The following PUM3 variants were observed in gnomAD, a reference collection of about 807,000 sequenced individuals.
PUM3 encodes the protein pumilio RNA binding family member 3, also known as pumilio homolog 3.
In PUM3, 91 loss-of-function variants were observed where a neutral mutation model predicts 84.0. The observed-to-expected ratio is 1.08, with a 90% CI of 0.91 to 1.29. The LOEUF (loss-of-function observed/expected upper bound fraction) is 1.29. Ranked by LOEUF, PUM3 falls within the 50% of genes most tolerant of loss-of-function variation. The pLI, the probability that PUM3 is intolerant of heterozygous loss-of-function variation, is 0.00. For synonymous variants in PUM3, 321 were observed against 266.7 expected (o/e 1.20, Z -1.98); for missense variants, 1,067 against 767.5 (o/e 1.39, Z -4.61).
In PUM3 at chr9:2,808,962, C is replaced by T. The variant is rs1043250802; in HGVS notation, c.1724-1058G>A. On this transcript the variant is annotated intron_variant, in intron 16 of 17. Coordinates refer to ENST00000397885, the MANE Select transcript of PUM3 (RefSeq NM_014878.5). ...ATGCTCACTCTTAAAAAAGCAACCACCATCTCGTGAAGGAGCCCAAGCAGC... is the reference window on the plus strand; with the variant it reads ...ATGCTCACTCTTAAAAAAGCAACCATCATCTCGTGAAGGAGCCCAAGCAGC... 2.0e-5 allele frequency among the ~76,000 whole-genome samples: 3 copies of T among 152,158 alleles called. No individual in the cohort carries two copies. The East Asian group carries it at 5.8e-4, about 29-fold the overall frequency.
rs758200088 is a variant in PUM3 at position 2,837,399 on chromosome 9, A to T, written c.85T>A (p.Ser29Thr). 1.9e-6 allele frequency: 3 copies of T among 1,591,340 alleles called. No individual in the cohort carries two copies. Among genetic ancestry groups the T allele is most frequent in the African/African-American group, 2.7e-5 (2 of 74,460 alleles). The change falls in exon 3 of 18, where the codon TCT (serine) becomes ACT (threonine). Residue 29 changes from serine to threonine, a missense_variant and splice_region_variant. By Grantham distance (58) the Ser-to-Thr change is moderately conservative. Transcript: ENST00000397885. ...GTTGGAAATGTCTTTGAAGAACCAG[A>T]ATCTAGTGACAATAATAATTATAAG... ...EKNRFHKNSD[S>T]GSSKTFPTRK...
Position 2,811,059 on chromosome 9 carries a change from G to C in PUM3, c.1635+302C>G, listed in dbSNP as rs546261024. On this transcript the variant is annotated intron_variant, in intron 15 of 17. Transcript: ENST00000397885. ...TGGTCAGGAGCCAGGGCTTCTCTAA[G>C]ATCCATGGCCCACTTCTCTTCCCCA... Among the ~76,000 whole-genome samples the C allele has an allele frequency of 2.6e-5, 4 of 152,264 alleles. No homozygotes were observed. In the South Asian group the frequency reaches 8.3e-4, roughly 32 times the overall value.
At chr9:2,832,918 T>A (rs1438717374) in intron 5 of PUM3, among the ~76,000 whole-genome samples, 1 of 152,196 alleles carries the variant, frequency 6.6e-6, no homozygotes, top group African/African-American at 2.4e-5. Flanking sequence ...AATTCTGAAA[T>A]GATTATATTT....
chr9:2,828,794 A>G lies in PUM3; in HGVS notation c.853-16T>C, dbSNP rs1586725527. 1 of 1,323,446 alleles carries G rather than the reference A, an allele frequency of 7.6e-7. No individual in the cohort carries two copies. The highest frequency in any genetic ancestry group is 1.2e-5 in the South Asian group (1 of 84,024). 82.0% of individuals were successfully genotyped at this position (1,323,446 alleles called of 1,614,324 possible). A position where few individuals can be genotyped will look rare whatever the true frequency, so the allele number is the denominator to read the frequency against. On this transcript the variant is annotated splice_polypyrimidine_tract_variant and intron_variant, in intron 8 of 17. Transcript: ENST00000397885. ...GATCTGCTGACTGCAACAAAACAAA[A>G]CAATCAAACCCCTCTAAATTTAATC...
intron 16 of PUM3, among the ~76,000 whole-genome samples, chr9:2,810,052 G>A (rs929751776): frequency 2.9e-5 from 4 of 138,928 alleles, no homozygotes; most frequent in Non-Finnish European, 6.2e-5. Context: ...ACCAAGCCAG[G>A]TTAGAAGCCT....
chr9:2,836,112 ATG>A (rs1462065319), intron 3 of PUM3, among the ~76,000 whole-genome samples: 1 of 152,124 alleles, frequency 6.6e-6, no homozygotes, highest in Non-Finnish European at 1.5e-5. Context: ...TGGAGCCCTA[ATG>A]GGAAACGATG....
intron 1 of PUM3, among the ~76,000 whole-genome samples, chr9:2,842,070 C>T (rs1305203281): frequency 2.0e-5 from 3 of 152,166 alleles, no homozygotes; most frequent in Admixed American, 6.5e-5. Context: ...GAATGGCATT[C>T]TTATACATGG....
At chr9:2,828,972 G>A (rs1160954093) in intron 8 of PUM3, among the ~76,000 whole-genome samples, 194 bp from the exon 9 acceptor site, 1 of 152,206 alleles carries the variant, frequency 6.6e-6, no homozygotes, top group Admixed American at 6.5e-5. Flanking sequence ...GTATCTATCA[G>A]TGCATTTAAA....
rs780715889 is a variant in PUM3, at chr9:2,837,161, T to A, written c.304+19A>T. The A allele has an allele frequency of 6.2e-7, 1 of 1,606,334 alleles. No homozygotes were observed. The highest frequency in any genetic ancestry group is 2.2e-5 in the East Asian group (1 of 44,830). On this transcript the variant is annotated intron_variant, in intron 3 of 17. Transcript: ENST00000397885. ...AATCGTTCAGGCACTAGTTCAGGCATGAACGAACCAGTACTTACCATCGCT... is the reference window on the plus strand; with the variant it reads ...AATCGTTCAGGCACTAGTTCAGGCAAGAACGAACCAGTACTTACCATCGCT...
chr9:2,828,603 G>A (rs1232729168), intron 9 of PUM3, 72 bp downstream of exon 9: 12 of 887,858 alleles, frequency 1.4e-5, no homozygotes, highest in African/African-American at 3.3e-5. Flanking sequence ...ACCTCTTCTG[G>A]GCAACAGTTA....
intron 5 of PUM3, 80 bp from the exon 6 acceptor site, chr9:2,831,424 ATTTCTTG>A: frequency 1.1e-6 from 1 of 878,992 alleles, no homozygotes; most frequent in South Asian, 1.5e-5. Context: ...CTCTTCTGGA[ATTTCTTG>A]TTAGAAAAAA....
At chr9:2,829,999 G>A in intron 7 of PUM3, 51 bp from the exon 8 acceptor site, 1 of 1,536,858 alleles carries the variant, frequency 6.5e-7, no homozygotes, top group Non-Finnish European at 8.9e-7. Context: ...AGAAAGCTGG[G>A]TGACAATAAA....
At position 2,804,417 on chromosome 9, in the gene PUM3, C is replaced by A; in HGVS notation, c.1861G>T (p.Ala621Ser). 8 of 1,613,882 alleles carry A rather than the reference C, an allele frequency of 5.0e-6. No homozygotes were observed. Among genetic ancestry groups the A allele is most frequent in the Non-Finnish European group, 6.8e-6 (8 of 1,179,922 alleles). Residue 621 changes from alanine to serine, a missense_variant, in exon 18 of 18, where the codon GCA becomes TCA. Ala to Ser is a moderately conservative substitution (Grantham distance 99). Coordinates refer to ENST00000397885, the MANE Select transcript of PUM3 (RefSeq NM_014878.5). The part of the protein sequence containing the change: ...DLEVANKVKA[A>S]LKSLIPTLEK... ...AATGTAGGAATCAAGCTTTTCAGTG[C>A]AGCTTTGACTTTGTTTGCAACTTCC...
At chr9:2,811,287 C>T (rs1821363835) in intron 15 of PUM3, 74 bp downstream of exon 15, 1 of 1,238,308 alleles carries the variant, frequency 8.1e-7, no homozygotes, top group Non-Finnish European at 1.2e-6. Context: ...TTCTTACTGA[C>T]ACCCCACATC....
intron 12 of PUM3, among the ~76,000 whole-genome samples, chr9:2,822,771 A>C (rs542514815): frequency 6.7e-6 from 1 of 148,596 alleles, no homozygotes; most frequent in Non-Finnish European, 1.5e-5. Flanking sequence ...TATAATTCAT[A>C]TTATAATTAT....
intron 3 of PUM3, 89 bp downstream of exon 3, chr9:2,837,091 A>G: frequency 9.1e-7 from 1 of 1,098,000 alleles, no homozygotes; most frequent in Non-Finnish European, 1.4e-6. Context: ...CTGCCAAGGA[A>G]TAAGAATGTG....
At chr9:2,817,568 G>C (rs1011099919) in intron 13 of PUM3, among the ~76,000 whole-genome samples, 19 of 152,058 alleles carry the variant, frequency 1.2e-4, no homozygotes, top group African/African-American at 4.3e-4. Flanking sequence ...CATTTATACA[G>C]AACTTGCAAA....
In PUM3 at chr9:2,831,350, G is replaced by C. The variant is rs367826337; in HGVS notation, c.517-6C>G. On this transcript the variant is annotated splice_region_variant and splice_polypyrimidine_tract_variant and intron_variant, in intron 5 of 17. Transcript: ENST00000397885. ...GAATCGTGTGCAAATGCAATCTGCA[G>C]GAAAAAGTTTGAGTTAGACTAATTC... The C allele has an allele frequency of 1.3e-6, 2 of 1,586,902 alleles. No individual in the cohort carries two copies. Among genetic ancestry groups the C allele is most frequent in the East Asian group, 4.5e-5 (2 of 44,564 alleles).
Position 2,810,441 on chromosome 9 carries a change from G to A in PUM3, c.1636-10C>T, listed in dbSNP as rs1317969879. The A allele has an allele frequency of 2.6e-6, 4 of 1,564,542 alleles. No homozygotes were observed. The Admixed American group carries it at 7.8e-5, about 30-fold the overall frequency. Reference sequence around the variant, plus strand: ...GTTCTGCAATGTGAAGCTATGAAGGGTCAAGAACAGTTAATTTTAAAAGTT... The same window carrying A: ...GTTCTGCAATGTGAAGCTATGAAGGATCAAGAACAGTTAATTTTAAAAGTT... On this transcript the variant is annotated splice_polypyrimidine_tract_variant and intron_variant, in intron 15 of 17. Coordinates refer to ENST00000397885, the MANE Select transcript of PUM3 (RefSeq NM_014878.5).
Sources: allele counts gnomAD v4.1 joint callset (sites outside exome capture counted in the v4.1 genomes callset), GRCh38; gene constraint gnomAD v4.1.1; transcripts MANE v1.5; gene names NCBI Gene and HGNC (gene_info 2026-07-23, HGNC 2026-07-21).